Variants in HS3ST4 observed in about 807,000 individuals in gnomAD.
HS3ST4 encodes heparan sulfate-glucosamine 3-sulfotransferase 4, also known as heparan sulfate glucosamine 3-O-sulfotransferase 4.
Under a neutral mutation model 29.2 loss-of-function variants are expected in HS3ST4, and 17 were observed. That is an observed-to-expected ratio of 0.58 (90% confidence interval 0.40 to 0.87). The LOEUF (loss-of-function observed/expected upper bound fraction) is 0.87, where lower values mean the gene tolerates loss of function less well. Ranked by LOEUF, HS3ST4 falls within the 40% of genes least tolerant of loss-of-function variation. The pLI, the probability that HS3ST4 is intolerant of heterozygous loss-of-function variation, is 0.00. For synonymous variants in HS3ST4, 314 were observed against 285.7 expected, an observed-to-expected ratio of 1.10 and a Z score of -1.00; for missense variants, 627 against 634.5, an observed-to-expected ratio of 0.99 and a Z score of 0.13.
At chr16:25,785,862 G>A (rs1020587368) in intron 1 of HS3ST4, among the ~76,000 whole-genome samples, 1 of 152,128 alleles carries the variant, frequency 6.6e-6, no homozygotes, top group Non-Finnish European at 1.5e-5. Context: ...GGCAGGCAAG[G>A]TGCCTTCAGT....
intron 1 of HS3ST4, among the ~76,000 whole-genome samples, chr16:25,724,869 G>A (rs1396010894): frequency 6.6e-6 from 1 of 151,658 alleles, no homozygotes; most frequent in East Asian, 1.9e-4. Flanking sequence ...AAGATATTTG[G>A]TGGCTGAAAT....
chr16:25,861,925 A>G (rs1357205671), intron 1 of HS3ST4, among the ~76,000 whole-genome samples: 1 of 152,112 alleles, frequency 6.6e-6, no homozygotes, highest in Non-Finnish European at 1.5e-5. Context: ...GCATAGCTAT[A>G]GTTTGTTCAT....
intron 1 of HS3ST4, chr16:26,032,833 A>T: frequency 6.4e-7 from 1 of 1,571,746 alleles, no homozygotes; most frequent in African/African-American, 1.3e-5. Flanking sequence ...CGACGGCAGC[A>T]GGACGTAGGT....
At chr16:25,758,634 CCT>C (rs575932295) in intron 1 of HS3ST4, among the ~76,000 whole-genome samples, 29 of 152,242 alleles carry the variant, frequency 1.9e-4, no homozygotes, top group African/African-American at 6.5e-4. Flanking sequence ...ACCTATGCTG[CCT>C]CTTTTATGCC....
intron 1 of HS3ST4, among the ~76,000 whole-genome samples, chr16:26,082,381 C>G (rs1898734447): frequency 6.6e-6 from 1 of 152,194 alleles, no homozygotes. Context: ...TAACTCTTCC[C>G]TTCTCTTCCT....
chr16:25,703,585 G>C lies in HS3ST4; in HGVS notation c.734+10434G>C, dbSNP rs146744771. 5.9e-3 allele frequency among the ~76,000 whole-genome samples: 906 copies of C among 152,302 alleles called. 12 individuals carry two copies. Among genetic ancestry groups the C allele is most frequent in the African/African-American group, 0.021 (855 of 41,558 alleles). Reference sequence around the variant, plus strand: ...AGAGTTCATTTCCACTGGAAGTGGTGTCTTCCAGCCTCATGGGAGTAAATA... The same window carrying C: ...AGAGTTCATTTCCACTGGAAGTGGTCTCTTCCAGCCTCATGGGAGTAAATA... On this transcript the variant is annotated intron_variant, in intron 1 of 1. Coordinates refer to ENST00000331351, the MANE Select transcript of HS3ST4 (RefSeq NM_006040.3).
At chr16:25,828,236 T>TTTTCTA (rs1555467545) in intron 1 of HS3ST4, among the ~76,000 whole-genome samples, 28 of 81,682 alleles carry the variant, frequency 3.4e-4, no homozygotes, top group African/African-American at 1.2e-4. Flanking sequence ...CTTTCTTTCT[T>TTTTCTA]TCTTTCTCTT....
chr16:25,848,569 T>C (rs1055390531), intron 1 of HS3ST4, among the ~76,000 whole-genome samples: 4 of 152,174 alleles, frequency 2.6e-5, no homozygotes, highest in African/African-American at 9.7e-5. Context: ...GATGTAAATT[T>C]ATATCTAGTA....
At chr16:25,958,839 A>G (rs1968763700) in intron 1 of HS3ST4, among the ~76,000 whole-genome samples, 1 of 152,200 alleles carries the variant, frequency 6.6e-6, no homozygotes, top group African/African-American at 2.4e-5. Context: ...CAGGGTCATC[A>G]GAAGTCTTAC....
At chr16:25,768,731 A>G (rs572968491) in intron 1 of HS3ST4, among the ~76,000 whole-genome samples, 9 of 152,302 alleles carry the variant, frequency 5.9e-5, no homozygotes, top group Non-Finnish European at 8.8e-5. Context: ...AGATGGTTAT[A>G]TATCAGAAAT....
chr16:26,043,803 C>T (rs1199983185), intron 1 of HS3ST4, among the ~76,000 whole-genome samples: 1 of 152,192 alleles, frequency 6.6e-6, no homozygotes, highest in Non-Finnish European at 1.5e-5. Context: ...TGTACCCCCG[C>T]CTTCCATGAT....
chr16:25,877,141 A>C (rs898310244), intron 1 of HS3ST4, among the ~76,000 whole-genome samples: 5 of 151,952 alleles, frequency 3.3e-5, no homozygotes, highest in African/African-American at 1.2e-4. Flanking sequence ...TCCTAGGGTA[A>C]GTTCATGCCC....
intron 1 of HS3ST4, among the ~76,000 whole-genome samples, chr16:26,113,660 G>T (rs987514785): frequency 2.0e-5 from 3 of 152,020 alleles, no homozygotes; most frequent in African/African-American, 7.2e-5. Context: ...GAGATGATGA[G>T]AATAATGGCT....
At chr16:25,765,515 C>T (rs576247105) in intron 1 of HS3ST4, among the ~76,000 whole-genome samples, 1 of 152,244 alleles carries the variant, frequency 6.6e-6, no homozygotes, top group Admixed American at 6.5e-5. Context: ...TTGCATTGGT[C>T]AGAGAGATTC....
chr16:26,024,941 C>T (rs1969452167), intron 1 of HS3ST4, among the ~76,000 whole-genome samples: 1 of 152,166 alleles, frequency 6.6e-6, no homozygotes, highest in South Asian at 2.1e-4. Flanking sequence ...CAGCAAAGCA[C>T]TTGTTTGTGG....
intron 1 of HS3ST4, among the ~76,000 whole-genome samples, chr16:26,134,606 T>G (rs1898256644): frequency 2.0e-5 from 3 of 152,112 alleles, no homozygotes; most frequent in African/African-American, 7.2e-5. Flanking sequence ...GTGATCTGCC[T>G]TCCTCAGCCT....
intron 1 of HS3ST4, among the ~76,000 whole-genome samples, chr16:25,900,582 C>T (rs1023189577): frequency 3.9e-5 from 6 of 152,028 alleles, no homozygotes; most frequent in African/African-American, 9.7e-5. Flanking sequence ...GTTAGGAGTG[C>T]GGGTTAATGC....
Position 26,135,990 on chromosome 16 carries a change from A to C in HS3ST4, c.1113A>C (p.Val371=), listed in dbSNP as rs1001659241. ...IVDPAGEMAK[V]QDFLGLKRVV... ...ACCCCGCCGGGGAAATGGCCAAAGT[A>C]CAGGATTTTCTAGGCCTCAAACGTG... Residue 371 remains valine (V), a synonymous_variant, in exon 2 of 2, where the codon GTA becomes GTC. Transcript: ENST00000331351. 3 of 1,614,024 alleles carry C rather than the reference A, an allele frequency of 1.9e-6. No homozygotes were observed. Among genetic ancestry groups the C allele is most frequent in the Non-Finnish European group, 2.5e-6 (3 of 1,179,886 alleles).
chr16:26,037,219 C>T (rs562952866), intron 1 of HS3ST4, among the ~76,000 whole-genome samples: 17 of 152,204 alleles, frequency 1.1e-4, no homozygotes, highest in African/African-American at 3.6e-4. Flanking sequence ...TCACCTGCTA[C>T]GTGCCTTTCC....
Sources: allele counts gnomAD v4.1 joint callset (sites outside exome capture counted in the v4.1 genomes callset), GRCh38; gene constraint gnomAD v4.1.1; transcripts MANE v1.5; gene names NCBI Gene and HGNC (gene_info 2026-07-23, HGNC 2026-07-21).